CCDC174: variants seen among roughly 807,000 people sequenced by gnomAD.
CCDC174 encodes the protein coiled-coil domain-containing protein 174.
Under a neutral mutation model 57.1 loss-of-function variants are expected in CCDC174, and 37 were observed. The observed-to-expected ratio is 0.65, with a 90% CI of 0.50 to 0.85. The LOEUF (loss-of-function observed/expected upper bound fraction) is 0.85. CCDC174 is among the 40% of genes least tolerant of loss of function. CCDC174 has a pLI of 0.00. For missense variants in CCDC174, 540 were observed against 574.3 expected (o/e 0.94, Z 0.61); for synonymous variants, 182 against 190.2 (o/e 0.96, Z 0.35).
Position 14,669,981 on chromosome 3 carries a change from A to G in CCDC174, c.1000A>G (p.Thr334Ala). ...PLPPEPEAVP[T>A]PRPAAQSSKV... is the part of the protein sequence containing the mutation. ...GCCACCGGAGCCAGAGGCTGTGCCA[A>G]CCCCACGTCCTGCTGCCCAGAGTAG... Residue 334 changes from threonine to alanine, a missense_variant, in exon 10 of 11, where the codon ACC becomes GCC. Coordinates refer to ENST00000383794, the MANE Select transcript of CCDC174 (RefSeq NM_016474.5). 4.3e-6 allele frequency: 7 copies of G among 1,613,874 alleles called. No homozygotes were observed. Among genetic ancestry groups the G allele is most frequent in the Non-Finnish European group, 5.9e-6 (7 of 1,179,944 alleles).
chr3:14,665,233 G>GGA, intron 6 of CCDC174, 110 bp downstream of exon 6: 1 of 719,560 alleles, frequency 1.4e-6, no homozygotes, highest in Admixed American at 2.4e-5. Context: ...GCTCCAGTAA[G>GGA]GAGATATTGA....
chr3:14,655,195 C>G (rs1046066281), intron 2 of CCDC174, among the ~76,000 whole-genome samples: 2 of 152,072 alleles, frequency 1.3e-5, no homozygotes, highest in African/African-American at 2.4e-5. Context: ...CCTGTATTCC[C>G]AGCTACTTGG....
At chr3:14,659,922 CAG>C (rs1248746327) in intron 4 of CCDC174, among the ~76,000 whole-genome samples, 3 of 152,170 alleles carry the variant, frequency 2.0e-5, no homozygotes, top group Non-Finnish European at 4.4e-5. Flanking sequence ...CAGAGGTCAA[CAG>C]AGTCACCTAG....
In CCDC174 at chr3:14,667,442, T is replaced by C; in HGVS notation, c.743T>C (p.Val248Ala). The C allele has an allele frequency of 6.2e-7, 1 of 1,613,742 alleles. No homozygotes were observed. The highest frequency in any genetic ancestry group is 2.2e-5 in the East Asian group (1 of 44,826). ...IRENEARQLG[V>A]GYFAFARDKE... ...CTTTCAGAGGCCCGGCAACTTGGTG[T>C]TGGGTATTTTGCCTTTGCCCGAGAC... The change falls in exon 8 of 11, where the codon GTT becomes GCT. Residue 248 changes from valine to alanine, a missense_variant. Coordinates refer to ENST00000383794, the MANE Select transcript of CCDC174 (RefSeq NM_016474.5).
Position 14,667,462 on chromosome 3 carries a change from C to G in CCDC174, c.763C>G (p.Arg255Gly), listed in dbSNP as rs750857506. The change falls in exon 8 of 11, where the codon CGA (arginine) becomes GGA (glycine). Residue 255 changes from arginine (R) to glycine (G), a missense_variant. Arg to Gly is a moderately radical substitution (Grantham distance 125, BLOSUM62 -2). Transcript: ENST00000383794. ...TGGTGTTGGGTATTTTGCCTTTGCC[C>G]GAGACAAAGAGTTGAGAAACAAGCA... ...QLGVGYFAFA[R>G]DKELRNKQMK... 3 of 1,613,480 alleles carry G rather than the reference C, an allele frequency of 1.9e-6. No individual in the cohort carries two copies. The highest frequency in any genetic ancestry group is 2.5e-6 in the Non-Finnish European group (3 of 1,179,922).
intron 6 of CCDC174, among the ~76,000 whole-genome samples, chr3:14,666,247 G>C (rs2031335163): frequency 6.6e-6 from 1 of 152,230 alleles, no homozygotes; most frequent in Non-Finnish European, 1.5e-5. Flanking sequence ...CCCAGGACCT[G>C]GGTGGAAGGA....
At chr3:14,669,316 T>C (rs1417625529) in intron 9 of CCDC174, among the ~76,000 whole-genome samples, 1 of 152,214 alleles carries the variant, frequency 6.6e-6, no homozygotes, top group Non-Finnish European at 1.5e-5. Context: ...ACCATCTGTT[T>C]AGTTTCAGAT....
rs748610420 is a variant in CCDC174 at position 14,651,830 on chromosome 3, C to A, written c.-7C>A. The stretch of plus-strand genomic sequence containing the variant: ...TCCTTCCTGGACCGGGACCCTCTGC[C>A]ACGACCATGGACCGTAGGAAAAAGC... On this transcript the variant is annotated 5_prime_UTR_variant, in exon 1 of 11. Transcript: ENST00000383794. The A allele has an allele frequency of 4.3e-6, 7 of 1,614,114 alleles. No homozygotes were observed. The Admixed American group carries it at 1.2e-4, about 27-fold the overall frequency.
At chr3:14,667,051 T>C in intron 7 of CCDC174, 104 bp downstream of exon 7, 1 of 977,630 alleles carries the variant, frequency 1.0e-6, no homozygotes. Context: ...ACATGGAAAT[T>C]AAAGATCCTG....
At chr3:14,666,358 C>T (rs747844889) in intron 6 of CCDC174, among the ~76,000 whole-genome samples, 10 of 152,188 alleles carry the variant, frequency 6.6e-5, no homozygotes, top group East Asian at 1.9e-4. Context: ...CGCAGTGGCT[C>T]ATGCCTGTAA....
Position 14,671,110 on chromosome 3 carries a change from T to G in CCDC174, c.1320T>G (p.Pro440=), listed in dbSNP as rs1297915839. Residue 440 remains proline, a synonymous_variant, in exon 11 of 11, where the codon CCT becomes CCG. Transcript: ENST00000383794. ...GPSPEHTSPT[P]APDNPPQAPT... ...GCCCTGAACATACGTCACCCACTCC[T>G]GCCCCCGACAACCCACCACAAGCCC... 2 of 1,614,090 alleles carry G rather than the reference T, an allele frequency of 1.2e-6. No individual in the cohort carries two copies. The highest frequency in any genetic ancestry group is 1.7e-5 in the Admixed American group (1 of 59,998).
In CCDC174 at chr3:14,670,035, A is replaced by T. The variant is rs1179619882; in HGVS notation, c.1054A>T (p.Lys352Ter). The T allele has an allele frequency of 6.2e-7, 1 of 1,611,764 alleles. No individual in the cohort carries two copies. Among genetic ancestry groups the T allele is most frequent in the Non-Finnish European group, 8.5e-7 (1 of 1,179,404 alleles). ...SKVEVIVQER[K>*]DTKPGVPHIR... is the part of the protein sequence containing the mutation. ...AGTAGAAGTCATTGTCCAGGAGAGG[A>T]AGGACACCAAGCCTGGAGTGCCACA... The change falls in exon 10 of 11, where the codon AAG becomes TAG. Residue 352 changes from lysine to a stop codon, truncating the protein, a stop_gained. Transcript: ENST00000383794. LOFTEE classifies it high-confidence loss of function.
chr3:14,666,859 A>G lies in CCDC174; in HGVS notation c.636A>G (p.Glu212=). Residue 212 remains glutamate (E), a synonymous_variant, in exon 7 of 11, where the codon GAA becomes GAG. Coordinates refer to ENST00000383794, the MANE Select transcript of CCDC174 (RefSeq NM_016474.5). ...KTLLSEDMRK[E]LQRQQWEEEE... ...TATTATCTGAAGATATGAGAAAAGA[A>G]CTTCAGCGCCAGCAATGGGAGGAAG... The G allele has an allele frequency of 1.2e-6, 2 of 1,604,806 alleles. No individual in the cohort carries two copies. Among genetic ancestry groups the G allele is most frequent in the Non-Finnish European group, 1.7e-6 (2 of 1,177,486 alleles).
chr3:14,668,140 T>C lies in CCDC174; in HGVS notation c.911T>C (p.Met304Thr), dbSNP rs201270563. 1.4e-5 allele frequency: 22 copies of C among 1,610,840 alleles called. No individual in the cohort carries two copies. The East Asian group carries it at 3.1e-4, about 23-fold the overall frequency. Residue 304 changes from methionine (M) to threonine (T), a missense_variant, in exon 9 of 11, where the codon ATG (methionine) becomes ACG (threonine). Physicochemically the swap from Met to Thr is moderately conservative, Grantham distance 81. Transcript: ENST00000383794. ...CTTGCCAAACTTCGACAAAAAAAGA[T>C]GAAAAAATCAAAAGAAGGTGGAACA... Reference protein sequence around the residue: ...ARLAKLRQKKMKKSKEGGTEE... With the variant: ...ARLAKLRQKKTKKSKEGGTEE...
intron 2 of CCDC174, 62 bp from the exon 3 acceptor site, chr3:14,655,467 C>A: frequency 1.0e-6 from 1 of 993,314 alleles, no homozygotes; most frequent in Non-Finnish European, 1.5e-6. Flanking sequence ...TTTCCTGATG[C>A]ACAAGTAGAG....
At chr3:14,652,763 G>T (rs1447323661) in intron 1 of CCDC174, among the ~76,000 whole-genome samples, 1 of 152,148 alleles carries the variant, frequency 6.6e-6, no homozygotes, top group East Asian at 1.9e-4. Flanking sequence ...TTAGCCGGGC[G>T]TGGTGGTGCA....
chr3:14,665,593 T>TA (rs2031305986), intron 6 of CCDC174, among the ~76,000 whole-genome samples: 1 of 152,218 alleles, frequency 6.6e-6, no homozygotes, highest in African/African-American at 2.4e-5. Flanking sequence ...ACGTAAGACC[T>TA]AAGAGATAAC....
chr3:14,658,760 T>G (rs926055062), intron 3 of CCDC174, 111 bp from the exon 4 acceptor site: 1 of 1,204,336 alleles, frequency 8.3e-7, no homozygotes, highest in Non-Finnish European at 1.1e-6. Flanking sequence ...GTGGTTGTCT[T>G]GACAGGCTGG....
intron 6 of CCDC174, among the ~76,000 whole-genome samples, chr3:14,666,262 T>C (rs2031335666): frequency 6.6e-6 from 1 of 152,050 alleles, no homozygotes; most frequent in South Asian, 2.1e-4. Flanking sequence ...GAAGGAAAGT[T>C]TTTTGTCTTG....
Sources: gnomAD v4.1 joint callset for allele counts (sites outside exome capture counted in the v4.1 genomes callset) on GRCh38, gnomAD v4.1.1 for gene constraint, MANE v1.5 for transcripts, NCBI Gene and HGNC (gene_info 2026-07-23, HGNC 2026-07-21) for gene names.